XIRP2: variants seen among roughly 807,000 people sequenced by gnomAD.
XIRP2 encodes the protein xin actin-binding repeat-containing protein 2.
Under a neutral mutation model 277.0 loss-of-function variants are expected in XIRP2, and 236 were observed. The observed-to-expected ratio is 0.85, with a 90% CI of 0.77 to 0.95. The LOEUF is 0.95. Among genes scored for constraint, XIRP2 ranks in the 40% least tolerant of loss-of-function variants. The pLI, the probability that XIRP2 is intolerant of heterozygous loss-of-function variation, is 0.00. For synonymous variants in XIRP2, 1,490 were observed against 1,416.5 expected, an observed-to-expected ratio of 1.05 and a Z score of -1.17; for missense variants, 4,640 against 4,157.5, an observed-to-expected ratio of 1.12 and a Z score of -3.19.
At chr2:166,946,036 G>A (rs1452348540) in intron 2 of XIRP2, among the ~76,000 whole-genome samples, 1 of 152,070 alleles carries the variant, frequency 6.6e-6, no homozygotes, top group Non-Finnish European at 1.5e-5. Context: ...AAAACAAATG[G>A]AGCAATTTAA....
intron 2 of XIRP2, among the ~76,000 whole-genome samples, chr2:167,014,607 G>A (rs983418669): frequency 2.6e-5 from 4 of 151,492 alleles, no homozygotes; most frequent in African/African-American, 9.7e-5. Flanking sequence ...CAACCCAATA[G>A]GACATCAGAT....
intron 2 of XIRP2, among the ~76,000 whole-genome samples, chr2:167,022,694 G>A (rs890883630): frequency 6.6e-6 from 1 of 151,578 alleles, no homozygotes; most frequent in Admixed American, 6.6e-5. Flanking sequence ...GTGAGAACAT[G>A]TGGTGTTCGG....
chr2:167,050,520 A>G (rs1159686932), intron 2 of XIRP2, among the ~76,000 whole-genome samples: 1 of 152,024 alleles, frequency 6.6e-6, no homozygotes, highest in African/African-American at 2.4e-5. Context: ...CTATTTTGGC[A>G]TAGAACTGTT....
intron 3 of XIRP2, among the ~76,000 whole-genome samples, chr2:167,138,788 G>A (rs1691629516): frequency 6.6e-6 from 1 of 152,148 alleles, no homozygotes; most frequent in Non-Finnish European, 1.5e-5. Context: ...TCGTTGGGCT[G>A]GGCACAGTGA....
At chr2:167,237,606 A>C (rs762216303) in intron 5 of XIRP2, among the ~76,000 whole-genome samples, 14 of 152,144 alleles carry the variant, frequency 9.2e-5, no homozygotes, top group Non-Finnish European at 1.5e-4. Flanking sequence ...ATTTTTGTAG[A>C]TGTTACCTAA....
chr2:166,911,061 A>G (rs1157436704), intron 2 of XIRP2, among the ~76,000 whole-genome samples: 3 of 152,178 alleles, frequency 2.0e-5, no homozygotes, highest in East Asian at 1.9e-4. Context: ...AATAAGTGTG[A>G]TGTGGTGCTG....
In XIRP2 at chr2:167,022,614, A is replaced by G. The variant is rs186177368; in HGVS notation, c.409-113295A>G. On this transcript the variant is annotated intron_variant, in intron 2 of 10. Coordinates refer to ENST00000409195, the MANE Select transcript of XIRP2 (RefSeq NM_152381.6). Reference sequence around the variant, plus strand: ...TCCCTCCCCCCTACCCCCACCCCACAACAGGCCCCAGAGTGTGATGTTCCC... The same window carrying G: ...TCCCTCCCCCCTACCCCCACCCCACGACAGGCCCCAGAGTGTGATGTTCCC... Among the ~76,000 whole-genome samples the G allele has an allele frequency of 4.0e-3, 587 of 146,470 alleles. 5 individuals carry two copies. Among genetic ancestry groups the G allele is most frequent in the African/African-American group, 0.014 (555 of 39,432 alleles).
intron 3 of XIRP2, among the ~76,000 whole-genome samples, chr2:167,179,433 G>T (rs1692946736): frequency 6.7e-6 from 1 of 148,974 alleles, no homozygotes; most frequent in African/African-American, 2.5e-5. Flanking sequence ...CGATTCTTCT[G>T]CCTCAGCCTC....
intron 8 of XIRP2, 63 bp from the exon 9 acceptor site, chr2:167,242,506 G>T: frequency 6.6e-7 from 1 of 1,523,682 alleles, no homozygotes; most frequent in Non-Finnish European, 8.8e-7. Flanking sequence ...ATGAAGGGCA[G>T]TGCCTAGGAA....
At chr2:167,241,752 C>A (rs1297581542) in intron 7 of XIRP2, 25 bp from the exon 8 acceptor site, 1 of 1,588,280 alleles carries the variant, frequency 6.3e-7, no homozygotes, top group African/African-American at 1.4e-5. Context: ...TACATAGTAA[C>A]CCTGGTGTGT....
intron 1 of XIRP2, among the ~76,000 whole-genome samples, chr2:166,902,769 C>A (rs1013477327): frequency 1.3e-5 from 2 of 151,940 alleles, no homozygotes; most frequent in African/African-American, 2.4e-5. Context: ...GTTAAGAGGG[C>A]AGATCCTGGA....
intron 4 of XIRP2, among the ~76,000 whole-genome samples, chr2:167,213,056 T>C (rs1374366336): frequency 6.6e-6 from 1 of 152,080 alleles, no homozygotes; most frequent in Non-Finnish European, 1.5e-5. Context: ...ATCTCAATCA[T>C]ATTTACACAT....
At chr2:167,118,274 G>A (rs1172270039) in intron 2 of XIRP2, among the ~76,000 whole-genome samples, 3 of 152,040 alleles carry the variant, frequency 2.0e-5, no homozygotes, top group Non-Finnish European at 4.4e-5. Flanking sequence ...GAGGTCAGGA[G>A]TTTGAGACCA....
intron 2 of XIRP2, among the ~76,000 whole-genome samples, chr2:167,051,654 A>C (rs1434280629): frequency 6.6e-6 from 1 of 152,104 alleles, no homozygotes; most frequent in African/African-American, 2.4e-5. Context: ...TAGATAAATT[A>C]GTGTAGTACA....
chr2:167,048,363 C>G (rs1392984071), intron 2 of XIRP2, among the ~76,000 whole-genome samples: 1 of 151,842 alleles, frequency 6.6e-6, no homozygotes, highest in African/African-American at 2.4e-5. Flanking sequence ...TTGAATTTCC[C>G]TTTGATTATA....
At chr2:167,151,645 G>A (rs1692019915) in intron 3 of XIRP2, among the ~76,000 whole-genome samples, 1 of 152,070 alleles carries the variant, frequency 6.6e-6, no homozygotes, top group Admixed American at 6.6e-5. Flanking sequence ...CATCCTCTTA[G>A]TATGATTATT....
At chr2:167,213,166 G>GC (rs1337439983) in intron 4 of XIRP2, among the ~76,000 whole-genome samples, 1 of 152,100 alleles carries the variant, frequency 6.6e-6, no homozygotes, top group Non-Finnish European at 1.5e-5. Context: ...GTCTATAGAA[G>GC]CCCCCTAAAA....
At chr2:167,230,630 G>A (rs993958477) in intron 5 of XIRP2, among the ~76,000 whole-genome samples, 1 of 151,958 alleles carries the variant, frequency 6.6e-6, no homozygotes, top group African/African-American at 2.4e-5. Flanking sequence ...ATATATCTTT[G>A]ATATTTTAAA....
intron 2 of XIRP2, among the ~76,000 whole-genome samples, chr2:167,122,807 A>T (rs1691093872): frequency 6.6e-6 from 1 of 152,166 alleles, no homozygotes; most frequent in Non-Finnish European, 1.5e-5. Flanking sequence ...AATCTACAGA[A>T]ATTCAAGTGA....
Sources: gnomAD v4.1 joint callset for allele counts (sites outside exome capture counted in the v4.1 genomes callset) on GRCh38, gnomAD v4.1.1 for gene constraint, MANE v1.5 for transcripts, NCBI Gene and HGNC (gene_info 2026-07-23, HGNC 2026-07-21) for gene names.